Variants in CDKL1 observed in about 807,000 individuals in gnomAD.
The protein encoded by CDKL1 is cyclin dependent kinase like 1.
CDKL1 carries 41 observed loss-of-function variants against 42.0 expected under a neutral mutation model. The observed-to-expected ratio is 0.98, with a 90% CI of 0.76 to 1.27. CDKL1 has a LOEUF of 1.27. CDKL1 is among the 50% of genes most tolerant of loss of function. The pLI, the probability that CDKL1 is intolerant of heterozygous loss-of-function variation, is 0.00. For missense variants in CDKL1, 394 were observed against 428.4 expected (o/e 0.92, Z 0.71); for synonymous variants, 153 against 158.6 (o/e 0.96, Z 0.26).
chr14:50,336,453 C>T (rs1158802714), intron 7 of CDKL1, among the ~76,000 whole-genome samples: 2 of 152,166 alleles, frequency 1.3e-5, no homozygotes, highest in East Asian at 1.9e-4. Flanking sequence ...GGTCACCTCC[C>T]ATATGTCAGG....
intron 6 of CDKL1, 125 bp downstream of exon 6, chr14:50,340,907 G>T (rs933331769): frequency 1.0e-6 from 1 of 968,326 alleles, no homozygotes; most frequent in East Asian, 2.6e-5. Flanking sequence ...ATGAGGCTTC[G>T]AGTTTTCCTC....
At chr14:50,335,202 G>A (rs1334660369) in intron 7 of CDKL1, among the ~76,000 whole-genome samples, 1 of 151,172 alleles carries the variant, frequency 6.6e-6, no homozygotes, top group Non-Finnish European at 1.5e-5. Flanking sequence ...AGGCTAAGGC[G>A]GGAGGATGGC....
At chr14:50,371,358 GTTTC>G (rs2034585211) in intron 2 of CDKL1, among the ~76,000 whole-genome samples, 1 of 152,080 alleles carries the variant, frequency 6.6e-6, no homozygotes, top group Non-Finnish European at 1.5e-5. Flanking sequence ...AACTTTAAGG[GTTTC>G]TTTTTCTCCA....
intron 7 of CDKL1, 54 bp downstream of exon 7, chr14:50,338,893 A>G: frequency 1.7e-6 from 2 of 1,161,390 alleles, no homozygotes; most frequent in East Asian, 4.7e-5. Flanking sequence ...GTGAATAACA[A>G]CCAAAGCCTA....
intron 2 of CDKL1, among the ~76,000 whole-genome samples, chr14:50,383,992 C>T (rs1038159956): frequency 6.6e-6 from 1 of 152,194 alleles, no homozygotes; most frequent in Non-Finnish European, 1.5e-5. Context: ...ACAAACAAAA[C>T]AGCCTGTTAC....
At chr14:50,339,406 T>C (rs973779995) in intron 6 of CDKL1, among the ~76,000 whole-genome samples, 1 of 152,010 alleles carries the variant, frequency 6.6e-6, no homozygotes, top group African/African-American at 2.4e-5. Context: ...ATCAAAATCA[T>C]ATTAACTGAA....
chr14:50,350,336 G>C (rs2033864281), intron 3 of CDKL1, among the ~76,000 whole-genome samples: 1 of 152,248 alleles, frequency 6.6e-6, no homozygotes, highest in African/African-American at 2.4e-5. Flanking sequence ...GCAGAGTGGG[G>C]AAGGGCTAGA....
chr14:50,380,007 T>C (rs1479786699), intron 2 of CDKL1: 2 of 430,848 alleles, frequency 4.6e-6, no homozygotes, highest in Admixed American at 5.0e-5. Flanking sequence ...CGTTTCATAC[T>C]GGGCTTAACA....
intron 2 of CDKL1, among the ~76,000 whole-genome samples, chr14:50,388,868 G>A (rs986252446): frequency 6.6e-6 from 1 of 151,840 alleles, no homozygotes; most frequent in African/African-American, 2.4e-5. Context: ...GGGAGGCCGA[G>A]GGAGGCGGAT....
chr14:50,341,132 A>G lies in CDKL1; in HGVS notation c.555T>C (p.Val185=). The G allele has an allele frequency of 6.2e-7, 1 of 1,614,146 alleles. No homozygotes were observed. Among genetic ancestry groups the G allele is most frequent in the Non-Finnish European group, 8.5e-7 (1 of 1,180,012 alleles). ...CAGCAAAGACACAGCCAATTGCCCAAACATCCACCGGGGGGCCGTACTGCG... is the reference window on the plus strand; with the variant it reads ...CAGCAAAGACACAGCCAATTGCCCAGACATCCACCGGGGGGCCGTACTGCG... The part of the protein sequence containing the change: ...GDTQYGPPVD[V]WAIGCVFAEL... The change falls in exon 6 of 10, where the codon GTT becomes GTC. Residue 185 remains valine (V), a synonymous_variant. Coordinates refer to ENST00000395834, the MANE Select transcript of CDKL1 (RefSeq NM_004196.7).
At chr14:50,332,756 C>A in intron 8 of CDKL1, 1 of 1,193,448 alleles carries the variant, frequency 8.4e-7, no homozygotes, top group Non-Finnish European at 1.2e-6. Context: ...TCCATTTAGC[C>A]AGTTTGGTCC....
intron 2 of CDKL1, among the ~76,000 whole-genome samples, chr14:50,384,803 G>A (rs2035024824): frequency 6.6e-6 from 1 of 151,690 alleles, no homozygotes; most frequent in South Asian, 2.1e-4. Flanking sequence ...TGGCGGCTCG[G>A]TTCACACCTG....
intron 8 of CDKL1, chr14:50,334,124 A>C (rs2033122532): frequency 6.6e-6 from 1 of 152,356 alleles, no homozygotes; most frequent in Non-Finnish European, 1.5e-5. Flanking sequence ...GATGTGATCC[A>C]TTTAAAAAAA....
intron 3 of CDKL1, among the ~76,000 whole-genome samples, chr14:50,356,709 T>TGATTTCCTTAA (rs1352342375): frequency 6.6e-6 from 1 of 152,242 alleles, no homozygotes; most frequent in Admixed American, 6.5e-5. Context: ...ATCTTATATT[T>TGATTTCCTTAA]GATTTCCTTA....
chr14:50,387,377 G>A (rs2035117714), intron 2 of CDKL1, among the ~76,000 whole-genome samples: 1 of 151,892 alleles, frequency 6.6e-6, no homozygotes, highest in South Asian at 2.1e-4. Context: ...CAAGAAATTA[G>A]TTAGGCATGG....
intron 2 of CDKL1, among the ~76,000 whole-genome samples, chr14:50,373,468 C>G (rs78520017): frequency 2.6e-5 from 4 of 152,148 alleles, no homozygotes; most frequent in Non-Finnish European, 4.4e-5. Flanking sequence ...TTGGCAGCAT[C>G]CAGTGCTGAC....
chr14:50,352,209 G>T (rs1048162852), intron 3 of CDKL1, among the ~76,000 whole-genome samples: 4 of 152,078 alleles, frequency 2.6e-5, no homozygotes, highest in African/African-American at 9.7e-5. Flanking sequence ...TTTGGGAAAT[G>T]TTCCTTCTCA....
rs752564109 is a variant in CDKL1 at position 50,332,255 on chromosome 14, T to G, written c.966+7A>C. On this transcript the variant is annotated splice_region_variant and intron_variant, in intron 9 of 9. Transcript: ENST00000395834. ...GTGGCAGGTAGGAGATCATTTCAAA[T>G]TATAACCTTGGATGTTTCTGTAAAG... The G allele has an allele frequency of 6.2e-7, 1 of 1,614,192 alleles. No homozygotes were observed. Among genetic ancestry groups the G allele is most frequent in the Non-Finnish European group, 8.5e-7 (1 of 1,180,024 alleles).
rs1336930164 is a variant in CDKL1 at position 50,337,163 on chromosome 14, C to T, written c.738+1784G>A. On this transcript the variant is annotated intron_variant, in intron 7 of 9. Coordinates refer to ENST00000395834, the MANE Select transcript of CDKL1 (RefSeq NM_004196.7). ...AGCTGGGACTACAGGTGTGTGCCAC[C>T]GTGCCTGGCTAATTTTTGTATTTTT... Among the ~76,000 whole-genome samples, 3 of 152,052 alleles carry T rather than the reference C, an allele frequency of 2.0e-5. No homozygotes were observed. The East Asian group carries it at 5.8e-4, about 29-fold the overall frequency.
Sources: gnomAD v4.1 joint callset for allele counts (sites outside exome capture counted in the v4.1 genomes callset) on GRCh38, gnomAD v4.1.1 for gene constraint, MANE v1.5 for transcripts, NCBI Gene and HGNC (gene_info 2026-07-23, HGNC 2026-07-21) for gene names.